Variants in RBM4 observed in about 807,000 individuals in gnomAD.
The protein encoded by RBM4 is RNA binding motif protein 4, also known as RNA-binding protein 4.
Under a neutral mutation model 29.5 loss-of-function variants are expected in RBM4, and 7 were observed. That is an observed-to-expected ratio of 0.24 (90% confidence interval 0.14 to 0.45). RBM4 has a LOEUF of 0.45. Among genes scored for constraint, RBM4 ranks in the 20% least tolerant of loss-of-function variants. RBM4 has a pLI of 1.00. For missense variants in RBM4, 387 were observed against 502.3 expected, an observed-to-expected ratio of 0.77 and a Z score of 2.19; for synonymous variants, 220 against 205.4, an observed-to-expected ratio of 1.07 and a Z score of -0.61.
rs1183771003 is a variant in RBM4, at chr11:66,639,798, G to A, written c.87G>A (p.Leu29=). The A allele has an allele frequency of 6.2e-7, 1 of 1,614,162 alleles. No homozygotes were observed. Among genetic ancestry groups the A allele is most frequent in the Admixed American group, 1.7e-5 (1 of 60,012 alleles). Residue 29 remains leucine (L), a synonymous_variant, in exon 2 of 4, where the codon CTG becomes CTA. Transcript: ENST00000310092. ...RSLFEQYGKV[L]ECDIIKNYGF... ...TCTTCGAGCAGTATGGGAAGGTGCT[G>A]GAATGTGACATCATTAAGAATTACG...
downstream of RBM4, among the ~76,000 whole-genome samples, chr11:66,650,190 T>G (rs906539919): frequency 4.6e-5 from 7 of 152,224 alleles, no homozygotes; most frequent in Admixed American, 3.9e-4. Context: ...CTCGGCCTGA[T>G]TCTGCATGGG....
chr11:66,643,925 T>TA lies in RBM4; in HGVS notation c.889dup (p.Thr297AsnfsTer34), dbSNP rs1938577847. On this transcript the variant is annotated frameshift_variant, in exon 3 of 4. Transcript: ENST00000310092. LOFTEE classifies it high-confidence loss of function. This position sits in a 1 kb window ranked among gnomAD's most constrained non-coding sequence, Gnocchi z 6.1. ...CTGCAGCAGCAGCCGCTGCTGCTGT[T>TA]ACTGCAGCTTCCACTTCATATTACG... 6.2e-7 allele frequency: 1 copy of TA among 1,613,426 alleles called. No individual in the cohort carries two copies. The highest frequency in any genetic ancestry group is 1.1e-5 in the South Asian group (1 of 91,080).
intron 2 of RBM4, among the ~76,000 whole-genome samples, chr11:66,664,755 G>A (rs939688949): frequency 6.6e-5 from 10 of 152,120 alleles, no homozygotes; most frequent in Non-Finnish European, 5.9e-5. Context: ...ACGCCCAGCT[G>A]GCCAACTGAT....
At chr11:66,645,881 G>C in intron 3 of RBM4, 146 bp from the exon 4 acceptor site, 1 of 1,405,002 alleles carries the variant, frequency 7.1e-7, no homozygotes, top group Non-Finnish European at 9.5e-7. Context: ...TTCATTGTTA[G>C]AGATTACTGT....
At position 66,640,145 on chromosome 11, in the gene RBM4, G is replaced by A. The variant is rs752286364; in HGVS notation, c.412+22G>A. The A allele has an allele frequency of 1.9e-6, 3 of 1,614,142 alleles. No homozygotes were observed. In the Admixed American group the frequency reaches 5.0e-5, roughly 27 times the overall value. ...CAAGGTGAACCACCCTCTTTGGGTA[G>A]AGGGCTGAACACAAGGCTGTGTGCA... On this transcript the variant is annotated intron_variant, in intron 2 of 3. Coordinates refer to ENST00000310092, the MANE Select transcript of RBM4 (RefSeq NM_002896.4).
At position 66,643,482 on chromosome 11, in the gene RBM4, C is replaced by T. The variant is rs1273393431; in HGVS notation, c.445C>T (p.Arg149Trp). ...AATGCACGTGCAGTTGTCCACCAGCCGGCTTAGGACTGCGCCCGGGATGGG... is the reference window on the plus strand; with the variant it reads ...AATGCACGTGCAGTTGTCCACCAGCTGGCTTAGGACTGCGCCCGGGATGGG... Reference protein sequence around the residue: ...KRMHVQLSTSRLRTAPGMGDQ... With the variant: ...KRMHVQLSTSWLRTAPGMGDQ... The change falls in exon 3 of 4, where the codon CGG becomes TGG. Residue 149 changes from arginine (R) to tryptophan (W), a missense_variant. Arg to Trp is a moderately radical substitution (Grantham distance 101). Coordinates refer to ENST00000310092, the MANE Select transcript of RBM4 (RefSeq NM_002896.4). The surrounding 1 kb of genome is among the most constrained non-coding windows in gnomAD (Gnocchi z 6.1). 4 of 1,611,736 alleles carry T rather than the reference C, an allele frequency of 2.5e-6. No individual in the cohort carries two copies. Among genetic ancestry groups the T allele is most frequent in the Non-Finnish European group, 3.4e-6 (4 of 1,178,268 alleles).
chr11:66,655,400 C>T (rs145812444), intron 2 of RBM4, among the ~76,000 whole-genome samples: 7 of 152,076 alleles, frequency 4.6e-5, no homozygotes, highest in Non-Finnish European at 1.0e-4. Flanking sequence ...GTTGGTCCTC[C>T]TACCCCAGCC....
Position 66,643,811 on chromosome 11 carries a change from A to G in RBM4, c.774A>G (p.Thr258=). The G allele has an allele frequency of 1.2e-6, 2 of 1,613,976 alleles. No individual in the cohort carries two copies. The highest frequency in any genetic ancestry group is 1.7e-6 in the Non-Finnish European group (2 of 1,179,978). The change falls in exon 3 of 4, where the codon ACA becomes ACG. Residue 258 remains threonine (T), a synonymous_variant. Transcript: ENST00000310092. This position sits in a 1 kb window ranked among gnomAD's most constrained non-coding sequence, Gnocchi z 6.1. ...CCCAGCTGCCACAAGTCCAGAATAC[A>G]GCCATGGCCAGTCACCTCACCTCCA... is the stretch of plus-strand genomic sequence containing the variant. ...TLSQLPQVQN[T]AMASHLTSTS... is the part of the protein sequence containing the mutation.
chr11:66,659,937 CG>C (rs1273627101), intron 2 of RBM4, among the ~76,000 whole-genome samples: 1 of 150,868 alleles, frequency 6.6e-6, no homozygotes, highest in African/African-American at 2.5e-5. Context: ...ATGTTTCTTT[CG>C]TTACTTAGAA....
rs1218259625 is a variant in RBM4, at chr11:66,643,955, G to C, written c.918G>C (p.Arg306=). The C allele has an allele frequency of 6.2e-7, 1 of 1,613,060 alleles. No individual in the cohort carries two copies. Among genetic ancestry groups the C allele is most frequent in the Non-Finnish European group, 8.5e-7 (1 of 1,179,996 alleles). The change falls in exon 3 of 4, where the codon CGG becomes CGC. Residue 306 remains arginine, a synonymous_variant. Transcript: ENST00000310092. The surrounding 1 kb of genome is among the most constrained non-coding windows in gnomAD (Gnocchi z 6.1). Reference sequence around the variant, plus strand: ...CAGCTTCCACTTCATATTACGGGCGGGATCGGAGCCCCCTGCGTCGCGCTA... The same window carrying C: ...CAGCTTCCACTTCATATTACGGGCGCGATCGGAGCCCCCTGCGTCGCGCTA... ...VTAASTSYYG[R]DRSPLRRATA...
downstream of RBM4, among the ~76,000 whole-genome samples, chr11:66,651,350 T>C (rs1167217005): frequency 7.1e-6 from 1 of 140,834 alleles, no homozygotes; most frequent in Non-Finnish European, 1.6e-5. Flanking sequence ...GAGAAAGTAC[T>C]TTTTTTTTTT....
intron 2 of RBM4, among the ~76,000 whole-genome samples, chr11:66,653,378 TTGAGAGGGAGTC>T (rs2135081769): frequency 6.6e-6 from 1 of 151,660 alleles, no homozygotes; most frequent in Non-Finnish European, 1.5e-5. Flanking sequence ...TTTTTTTTTT[TTGAGAGGGAGTC>T]TTGCTTTGTC....
chr11:66,665,306 C>G (rs1939185670), intron 2 of RBM4: 1 of 489,166 alleles, frequency 2.0e-6, no homozygotes, highest in East Asian at 3.7e-5. Flanking sequence ...AGAGGGGTTC[C>G]ACTGCACAGG....
downstream of RBM4, among the ~76,000 whole-genome samples, chr11:66,648,671 G>A (rs1356059494): frequency 1.3e-5 from 2 of 151,876 alleles, no homozygotes; most frequent in Non-Finnish European, 2.9e-5. Flanking sequence ...TAAGTTAGCC[G>A]GGCATGGTGG....
At chr11:66,650,948 A>G (rs998801817), downstream of RBM4, among the ~76,000 whole-genome samples, 19 of 152,142 alleles carry the variant, frequency 1.2e-4, no homozygotes, top group East Asian at 3.7e-3. Context: ...GCTTGATGCC[A>G]GGGGCGGATG....
chr11:66,654,369 G>C (rs989302047), intron 2 of RBM4, among the ~76,000 whole-genome samples: 1 of 151,822 alleles, frequency 6.6e-6, no homozygotes, highest in Non-Finnish European at 1.5e-5. Flanking sequence ...GGTGGCGGGC[G>C]CCTGTAGTCC....
At chr11:66,667,404 A>G (rs1396187119) in exon 3 of RBM4, 1 of 152,198 alleles carries the variant, frequency 6.6e-6, no homozygotes, top group Non-Finnish European at 1.5e-5. Flanking sequence ...CTAACTCCTT[A>G]AATGTTCCTC....
intron 2 of RBM4, among the ~76,000 whole-genome samples, chr11:66,654,195 A>G (rs1938895483): frequency 6.6e-6 from 1 of 152,020 alleles, no homozygotes; most frequent in Non-Finnish European, 1.5e-5. Flanking sequence ...CTACTATTAG[A>G]AGAATTTTAT....
chr11:66,643,892 A>AGCT lies in RBM4; in HGVS notation c.864_866dup (p.Ala295dup), dbSNP rs1554969626. The AGCT allele has an allele frequency of 6.2e-7, 1 of 1,613,216 alleles. No individual in the cohort carries two copies. The highest frequency in any genetic ancestry group is 1.1e-5 in the South Asian group (1 of 91,054). On this transcript the variant is annotated inframe_insertion, in exon 3 of 4. Transcript: ENST00000310092. The surrounding 1 kb of genome is among the most constrained non-coding windows in gnomAD (Gnocchi z 6.1). ...TGCCGACCTCAGGAGCTGCTGCCAC[A>AGCT]GCTGCTGCTGCAGCAGCAGCCGCTG... is the stretch of plus-strand genomic sequence containing the variant.
Sources: gnomAD v4.1 joint callset for allele counts (sites outside exome capture counted in the v4.1 genomes callset) on GRCh38, gnomAD v4.1.1 for gene constraint, Gnocchi (gnomAD v3.1) non-coding constraint, MANE v1.5 for transcripts, NCBI Gene and HGNC (gene_info 2026-07-23, HGNC 2026-07-21) for gene names.